The following MYO5A variants were observed in gnomAD, a reference collection of about 807,000 sequenced individuals.
MYO5A encodes unconventional myosin-Va.
A neutral mutation model predicts 249.7 loss-of-function variants in MYO5A; 98 were observed. The observed-to-expected ratio is 0.39, with a 90% CI of 0.33 to 0.46. The LOEUF (loss-of-function observed/expected upper bound fraction) is 0.46, where lower values mean the gene tolerates loss of function less well. Ranked by LOEUF, MYO5A falls within the 20% of genes least tolerant of loss-of-function variation. The probability of loss-of-function intolerance (pLI) is 0.98; values close to 1 mark genes in which losing one functional copy is unlikely to be tolerated. For synonymous variants in MYO5A, 778 were observed against 810.6 expected, an observed-to-expected ratio of 0.96 and a Z score of 0.68; for missense variants, 1,696 against 2,308.8, an observed-to-expected ratio of 0.73 and a Z score of 5.44.
rs971820201 is a variant in MYO5A at position 52,389,343 on chromosome 15, G to A, written c.1563C>T (p.Asp521=). The A allele has an allele frequency of 3.7e-6, 6 of 1,612,654 alleles. No individual in the cohort carries two copies. The African/African-American group carries it at 5.3e-5, about 14-fold the overall frequency. The change falls in exon 13 of 42, where the codon GAC becomes GAT. Residue 521 remains aspartate, a synonymous_variant. Transcript: ENST00000399233. The stretch of plus-strand genomic sequence containing the variant: ...TGTTGTACAATTTTTGGGCCCAGGT[G>A]TCATCTGTGCCTTTAGGCATCTATA... ...EECKMPKGTD[D]TWAQKLYNTH... is the part of the protein sequence containing the mutation.
In MYO5A at chr15:52,342,578, T is replaced by C. The variant is rs80103607; in HGVS notation, c.4040+539A>G. 8.3e-4 allele frequency among the ~76,000 whole-genome samples: 126 copies of C among 152,262 alleles called. 1 individual carries two copies. The highest frequency in any genetic ancestry group is 3.0e-3 in the African/African-American group (124 of 41,556). ...GGGAAGTGTCTTATATTCACCACCA[T>C]TCAATTTTAGCTTTAATAGTATCTT... On this transcript the variant is annotated intron_variant, in intron 31 of 41. Coordinates refer to ENST00000399233, the MANE Select transcript of MYO5A (RefSeq NM_001382347.1).
intron 1 of MYO5A, among the ~76,000 whole-genome samples, chr15:52,517,747 T>C (rs961401994): frequency 4.6e-5 from 7 of 152,202 alleles, no homozygotes; most frequent in Admixed American, 2.0e-4. Flanking sequence ...TTTCAACGAA[T>C]ATTTATTGAT....
At chr15:52,350,683 G>A (rs1206914211) in intron 28 of MYO5A, among the ~76,000 whole-genome samples, 1 of 152,120 alleles carries the variant, frequency 6.6e-6, no homozygotes, top group Non-Finnish European at 1.5e-5. Context: ...TGAAGGCAGG[G>A]AAGGACTTCA....
chr15:52,372,516 T>G (rs2041180449), intron 20 of MYO5A, among the ~76,000 whole-genome samples, 153 bp from the exon 21 acceptor site: 1 of 152,204 alleles, frequency 6.6e-6, no homozygotes, highest in Admixed American at 6.5e-5. Flanking sequence ...TTATCACAGA[T>G]ATATGGAGGC....
chr15:52,333,651 T>C (rs1426343434), intron 34 of MYO5A, among the ~76,000 whole-genome samples: 2 of 152,238 alleles, frequency 1.3e-5, no homozygotes, highest in Non-Finnish European at 2.9e-5. Flanking sequence ...ACACTCTCCA[T>C]TTAGCTATAT....
intron 1 of MYO5A, among the ~76,000 whole-genome samples, chr15:52,460,351 G>T (rs2076221211): frequency 6.6e-6 from 1 of 152,224 alleles, no homozygotes; most frequent in Non-Finnish European, 1.5e-5. Context: ...CTCCAGCCTG[G>T]GCAACATTGA....
At chr15:52,430,959 CA>C (rs1333608521) in intron 2 of MYO5A, among the ~76,000 whole-genome samples, 1 of 151,838 alleles carries the variant, frequency 6.6e-6, no homozygotes, top group Non-Finnish European at 1.5e-5. Context: ...AGGCTGGGTG[CA>C]GTGGCTCATG....
chr15:52,406,644 T>G (rs564852007), intron 8 of MYO5A, among the ~76,000 whole-genome samples: 1 of 151,862 alleles, frequency 6.6e-6, no homozygotes, highest in South Asian at 2.1e-4. Flanking sequence ...ATTCTGAGGT[T>G]TTTTTTTTCT....
intron 1 of MYO5A, among the ~76,000 whole-genome samples, chr15:52,525,668 C>T (rs894012798): frequency 6.6e-6 from 1 of 152,190 alleles, no homozygotes; most frequent in African/African-American, 2.4e-5. Flanking sequence ...AACTTCCTTC[C>T]TATAATCCTC....
At chr15:52,516,588 C>A (rs2077500468) in intron 1 of MYO5A, among the ~76,000 whole-genome samples, 1 of 152,194 alleles carries the variant, frequency 6.6e-6, no homozygotes, top group African/African-American at 2.4e-5. Flanking sequence ...GGCTGCTACA[C>A]ACGGCAATGA....
At chr15:52,397,114 A>C in intron 10 of MYO5A, 87 bp downstream of exon 10, 10 of 1,496,182 alleles carry the variant, frequency 6.7e-6, no homozygotes, top group Non-Finnish European at 9.2e-6. Flanking sequence ...TACCAGTAGG[A>C]AACAGAATCA....
At chr15:52,480,037 T>C (rs2076683555) in intron 1 of MYO5A, among the ~76,000 whole-genome samples, 1 of 152,216 alleles carries the variant, frequency 6.6e-6, no homozygotes, top group Admixed American at 6.5e-5. Context: ...ATCTAAGCAA[T>C]GCTGTCTCCT....
At chr15:52,498,333 T>C (rs2077084148) in intron 1 of MYO5A, among the ~76,000 whole-genome samples, 1 of 152,160 alleles carries the variant, frequency 6.6e-6, no homozygotes, top group South Asian at 2.1e-4. Context: ...TGAAAATAAA[T>C]CTTAAAATTA....
At chr15:52,391,712 A>G (rs368039597) in intron 12 of MYO5A, among the ~76,000 whole-genome samples, 2 of 152,308 alleles carry the variant, frequency 1.3e-5, no homozygotes, top group African/African-American at 4.8e-5. Context: ...TTTTCATGTA[A>G]TTTAGAATCA....
chr15:52,341,325 A>G (rs538822413), intron 31 of MYO5A, among the ~76,000 whole-genome samples: 245 of 152,346 alleles, frequency 1.6e-3, no homozygotes, highest in African/African-American at 5.7e-3. Flanking sequence ...CTCCGCATAA[A>G]CTTACATATC....
chr15:52,431,141 A>G (rs1161946623), intron 2 of MYO5A, among the ~76,000 whole-genome samples: 2 of 144,716 alleles, frequency 1.4e-5, no homozygotes, highest in African/African-American at 5.0e-5. Context: ...CTGAGGCACA[A>G]GAATCATTTG....
chr15:52,323,595 C>A, intron 36 of MYO5A, 151 bp from the exon 37 acceptor site: 1 of 616,336 alleles, frequency 1.6e-6, no homozygotes, highest in Non-Finnish European at 2.9e-6. Flanking sequence ...AGTCTTATGT[C>A]ATTGCTAGCA....
chr15:52,389,726 G>A (rs138843078), intron 12 of MYO5A, among the ~76,000 whole-genome samples: 13 of 152,300 alleles, frequency 8.5e-5, no homozygotes, highest in Non-Finnish European at 1.5e-4. Context: ...GCCAAGGCAG[G>A]TGGATCACCT....
At chr15:52,493,387 G>C (rs892409645) in intron 1 of MYO5A, among the ~76,000 whole-genome samples, 2 of 152,198 alleles carry the variant, frequency 1.3e-5, no homozygotes, top group African/African-American at 4.8e-5. Context: ...CTGGAGCTGG[G>C]CATGGTGGCT....
Sources: gnomAD v4.1 joint callset for allele counts (sites outside exome capture counted in the v4.1 genomes callset) on GRCh38, gnomAD v4.1.1 for gene constraint, MANE v1.5 for transcripts, NCBI Gene and HGNC (gene_info 2026-07-23, HGNC 2026-07-21) for gene names.